Variants in ARHGEF3 observed in about 807,000 individuals in gnomAD.
ARHGEF3 encodes 59.8 kDA protein.
In ARHGEF3, 28 loss-of-function variants were observed where a neutral mutation model predicts 63.2. That is an observed-to-expected ratio of 0.44 (90% CI 0.33 to 0.61). The LOEUF is 0.61. Among genes scored for constraint, ARHGEF3 ranks in the 20% least tolerant of loss-of-function variants. The probability of loss-of-function intolerance (pLI) is 0.03; values close to 1 mark genes in which losing one functional copy is unlikely to be tolerated. For missense variants in ARHGEF3, 533 were observed against 659.3 expected (o/e 0.81, Z 2.10); for synonymous variants, 266 against 254.2 (o/e 1.05, Z -0.44).
chr3:56,914,086 A>G (rs1439224147), intron 3 of ARHGEF3, among the ~76,000 whole-genome samples: 4 of 152,198 alleles, frequency 2.6e-5, no homozygotes, highest in Non-Finnish European at 5.9e-5. Context: ...TGAGGACGCA[A>G]AGGCATAAGA....
intron 2 of ARHGEF3, among the ~76,000 whole-genome samples, chr3:56,998,522 T>C (rs2107003458): frequency 6.6e-6 from 1 of 152,012 alleles, no homozygotes; most frequent in East Asian, 1.9e-4. Flanking sequence ...TCCAGAAACA[T>C]GAATGGTGCT....
At chr3:56,855,625 A>G (rs939880453) in intron 4 of ARHGEF3, among the ~76,000 whole-genome samples, 1 of 151,344 alleles carries the variant, frequency 6.6e-6, no homozygotes, top group African/African-American at 2.4e-5. Flanking sequence ...AGAGGTTGCA[A>G]TGAGCCGAGA....
At chr3:56,832,826 T>A (rs2038975997) in intron 4 of ARHGEF3, among the ~76,000 whole-genome samples, 1 of 152,232 alleles carries the variant, frequency 6.6e-6, no homozygotes, top group South Asian at 2.1e-4. Flanking sequence ...GCACTTGCCT[T>A]TGCATTTGCA....
At chr3:56,747,294 C>T (rs1278508720) in intron 6 of ARHGEF3, among the ~76,000 whole-genome samples, 1 of 152,220 alleles carries the variant, frequency 6.6e-6, no homozygotes. Flanking sequence ...CACTGCTGCT[C>T]ACTGTCCAAT....
At chr3:56,966,440 A>C (rs9853033) in intron 2 of ARHGEF3, among the ~76,000 whole-genome samples, 41 of 152,358 alleles carry the variant, frequency 2.7e-4, no homozygotes, top group African/African-American at 9.1e-4. Flanking sequence ...TTTTACTATG[A>C]AAATATATTG....
chr3:56,892,093 C>T (rs1248489393), intron 3 of ARHGEF3, among the ~76,000 whole-genome samples: 1 of 152,162 alleles, frequency 6.6e-6, no homozygotes, highest in Non-Finnish European at 1.5e-5. Flanking sequence ...ACCACCAACC[C>T]TGATGGCTAA....
intron 3 of ARHGEF3, among the ~76,000 whole-genome samples, chr3:56,953,663 C>T (rs532420644): frequency 4.9e-4 from 75 of 152,254 alleles, no homozygotes; most frequent in Non-Finnish European, 5.0e-4. Context: ...AGCGATTGGC[C>T]GAGGCATAGC....
intron 2 of ARHGEF3, among the ~76,000 whole-genome samples, chr3:57,026,922 C>T (rs1455879959): frequency 6.6e-6 from 1 of 152,080 alleles, no homozygotes; most frequent in Admixed American, 6.5e-5. Flanking sequence ...TGACTGTAGC[C>T]CAGCATGCCC....
intron 3 of ARHGEF3, among the ~76,000 whole-genome samples, chr3:56,883,668 C>T (rs2040838546): frequency 6.6e-6 from 1 of 152,178 alleles, no homozygotes; most frequent in Admixed American, 6.5e-5. Flanking sequence ...ATACATTCAC[C>T]TCTCTTCTGC....
At chr3:56,890,919 G>A (rs891541783) in intron 3 of ARHGEF3, among the ~76,000 whole-genome samples, 1 of 152,164 alleles carries the variant, frequency 6.6e-6, no homozygotes, top group Non-Finnish European at 1.5e-5. Flanking sequence ...ACCAGATCTC[G>A]AACCTTTTTG....
chr3:56,968,568 A>G (rs1234752756), intron 2 of ARHGEF3, among the ~76,000 whole-genome samples: 2 of 149,434 alleles, frequency 1.3e-5, no homozygotes. Context: ...GGCTCAAGCA[A>G]TCCTCCTGCC....
At chr3:56,756,844 C>G (rs569161671) in intron 2 of ARHGEF3, among the ~76,000 whole-genome samples, 1 of 152,282 alleles carries the variant, frequency 6.6e-6, no homozygotes, top group African/African-American at 2.4e-5. Context: ...CCACTGTGTC[C>G]GGCCATAGCT....
At chr3:56,806,474 G>T (rs577592668), upstream of ARHGEF3, among the ~76,000 whole-genome samples, 3 of 152,230 alleles carry the variant, frequency 2.0e-5, no homozygotes, top group Non-Finnish European at 4.4e-5. Flanking sequence ...ACTTGCCTTC[G>T]GCATAGCCCG....
intron 2 of ARHGEF3, among the ~76,000 whole-genome samples, chr3:56,987,482 A>T (rs537752029): frequency 6.6e-6 from 1 of 152,274 alleles, no homozygotes; most frequent in East Asian, 1.9e-4. Flanking sequence ...TCCAGGCCCA[A>T]TCTGCAGGCA....
intron 3 of ARHGEF3, among the ~76,000 whole-genome samples, chr3:56,943,450 A>C (rs913962647): frequency 6.6e-6 from 1 of 152,208 alleles, no homozygotes; most frequent in Non-Finnish European, 1.5e-5. Flanking sequence ...TCAGAAAAAA[A>C]GATTACTTTT....
intron 4 of ARHGEF3, among the ~76,000 whole-genome samples, chr3:56,818,680 C>T (rs1319565569): frequency 6.6e-6 from 1 of 152,154 alleles, no homozygotes; most frequent in Non-Finnish European, 1.5e-5. Flanking sequence ...ATGAGCATAC[C>T]TCTTTCAGCA....
chr3:56,840,109 A>T (rs1190163274), intron 4 of ARHGEF3, among the ~76,000 whole-genome samples: 1 of 152,136 alleles, frequency 6.6e-6, no homozygotes, highest in East Asian at 1.9e-4. Context: ...TATTTTTAGC[A>T]CTTTGAGACA....
chr3:56,939,653 G>C (rs565183072), intron 3 of ARHGEF3: 2 of 152,202 alleles, frequency 1.3e-5, no homozygotes, highest in Admixed American at 6.5e-5. Context: ...CAAACAGGCT[G>C]TTCTTGCTCC....
intron 4 of ARHGEF3, among the ~76,000 whole-genome samples, chr3:56,859,825 A>C (rs1366295052): frequency 6.6e-6 from 1 of 151,734 alleles, no homozygotes; most frequent in Non-Finnish European, 1.5e-5. Context: ...GGCATGAGCC[A>C]CTACACCCAG....
Sources: gnomAD v4.1 joint callset for allele counts (sites outside exome capture counted in the v4.1 genomes callset) on GRCh38, gnomAD v4.1.1 for gene constraint, MANE v1.5 for transcripts, NCBI Gene and HGNC (gene_info 2026-07-23, HGNC 2026-07-21) for gene names.